The following CDH23 variants were observed in gnomAD, a reference collection of about 807,000 sequenced individuals.
CDH23 encodes the protein cadherin-23.
CDH23 carries 189 observed loss-of-function variants against 317.1 expected under a neutral mutation model. The ratio of observed to expected loss-of-function variants is 0.60; its 90% confidence interval spans 0.53 to 0.67. CDH23 has a LOEUF of 0.67. Among genes scored for constraint, CDH23 ranks in the 30% least tolerant of loss-of-function variants. CDH23 has a pLI of 0.00. For missense variants in CDH23, 4,401 were observed against 4,592.4 expected (o/e 0.96, Z 1.20); for synonymous variants, 1,839 against 1,876.8 (o/e 0.98, Z 0.52).
chr10:71,618,267 AG>A (rs1224940086), intron 11 of CDH23, among the ~76,000 whole-genome samples: 2 of 152,048 alleles, frequency 1.3e-5, no homozygotes, highest in Non-Finnish European at 2.9e-5. Flanking sequence ...CTTAAAAGGA[AG>A]TAAGGGAGAG....
intron 8 of CDH23, among the ~76,000 whole-genome samples, chr10:71,573,866 C>G (rs1857982352): frequency 6.6e-6 from 1 of 152,208 alleles, no homozygotes; most frequent in African/African-American, 2.4e-5. Flanking sequence ...CTCTGCCCTT[C>G]CTCCAGTCTC....
At chr10:71,694,786 G>A (rs868843846) in intron 21 of CDH23, among the ~76,000 whole-genome samples, 45 of 152,136 alleles carry the variant, frequency 3.0e-4, no homozygotes, top group Admixed American at 1.3e-3. Context: ...GAGAGGAAGC[G>A]GGAGGACCAG....
At chr10:71,769,149 G>GTTA (rs1424708849) in intron 38 of CDH23, among the ~76,000 whole-genome samples, 2 of 152,164 alleles carry the variant, frequency 1.3e-5, no homozygotes, top group Non-Finnish European at 2.9e-5. Flanking sequence ...TATAGAAGAG[G>GTTA]TTATTCCCTT....
At chr10:71,611,611 T>C (rs1314988953) in intron 9 of CDH23, among the ~76,000 whole-genome samples, 1 of 152,152 alleles carries the variant, frequency 6.6e-6, no homozygotes, top group Non-Finnish European at 1.5e-5. Context: ...GCCCCCCTTT[T>C]ACAGACCAAG....
chr10:71,406,834 A>G (rs1848118755), intron 1 of CDH23, among the ~76,000 whole-genome samples: 1 of 152,136 alleles, frequency 6.6e-6, no homozygotes. Context: ...TGAAGTGTCT[A>G]TGGTAGGGAA....
At chr10:71,507,375 A>G (rs1212938521) in intron 3 of CDH23, among the ~76,000 whole-genome samples, 1 of 152,220 alleles carries the variant, frequency 6.6e-6, no homozygotes, top group African/African-American at 2.4e-5. Context: ...GCTTTAGATT[A>G]TATCTTTACA....
chr10:71,634,461 T>G (rs112962780), intron 11 of CDH23, among the ~76,000 whole-genome samples: 1 of 152,322 alleles, frequency 6.6e-6, no homozygotes. Context: ...GGTAGAGTGA[T>G]GAGGTTCAAA....
chr10:71,518,514 A>G (rs1228089631), intron 6 of CDH23, among the ~76,000 whole-genome samples: 1 of 152,138 alleles, frequency 6.6e-6, no homozygotes, highest in Non-Finnish European at 1.5e-5. Context: ...TGCAGTGAGG[A>G]CCACCCCTGC....
rs555289375 is a variant in CDH23, at chr10:71,628,313, G to A, written c.1134+10920G>A. ...CTACTAACTCTGTCCCCCGAAAGGGGAGAATAGTGCAGGGATGGGGCTGGG... is the reference window on the plus strand; with the variant it reads ...CTACTAACTCTGTCCCCCGAAAGGGAAGAATAGTGCAGGGATGGGGCTGGG... On this transcript the variant is annotated intron_variant, in intron 11 of 69. Coordinates refer to ENST00000224721, the MANE Select transcript of CDH23 (RefSeq NM_022124.6). Among the ~76,000 whole-genome samples, 261 of 152,354 alleles carry A rather than the reference G, an allele frequency of 1.7e-3. 1 individual carries two copies. Among genetic ancestry groups the A allele is most frequent in the African/African-American group, 6.0e-3 (251 of 41,590 alleles).
intron 24 of CDH23, among the ~76,000 whole-genome samples, chr10:71,703,034 C>T (rs1159886726): frequency 6.6e-6 from 1 of 152,140 alleles, no homozygotes; most frequent in African/African-American, 2.4e-5. Context: ...TGAGTGTAGC[C>T]CTGGGCATCT....
intron 6 of CDH23, among the ~76,000 whole-genome samples, chr10:71,544,631 G>A (rs1326571394): frequency 6.6e-6 from 1 of 152,154 alleles, no homozygotes; most frequent in Admixed American, 6.5e-5. Context: ...CCAGGCCCGG[G>A]GCCACAGGCA....
At chr10:71,763,061 AG>A (rs2132893148) in intron 38 of CDH23, among the ~76,000 whole-genome samples, 1 of 152,366 alleles carries the variant, frequency 6.6e-6, no homozygotes, top group South Asian at 2.1e-4. Flanking sequence ...GCTACAATGC[AG>A]GGTTGCAAAA....
chr10:71,698,757 TTC>T (rs1385386747), intron 22 of CDH23, among the ~76,000 whole-genome samples: 2 of 152,228 alleles, frequency 1.3e-5, no homozygotes, highest in African/African-American at 4.8e-5. Flanking sequence ...CCTCTCCAAA[TTC>T]TGTTTCCTGC....
chr10:71,656,820 C>T (rs564940604), intron 14 of CDH23, among the ~76,000 whole-genome samples: 21 of 152,018 alleles, frequency 1.4e-4, no homozygotes, highest in Admixed American at 6.5e-4. Context: ...GCATGGAGGC[C>T]GGGAGGTGAT....
At chr10:71,662,850 G>A (rs1863735753) in intron 14 of CDH23, among the ~76,000 whole-genome samples, 1 of 152,286 alleles carries the variant, frequency 6.6e-6, no homozygotes, top group East Asian at 1.9e-4. Context: ...TGCAGCTCTG[G>A]AGTCAGAAAT....
Position 71,397,615 on chromosome 10 carries a change from G to C in CDH23, c.-6+297G>C, listed in dbSNP as rs1463928725. Among the ~76,000 whole-genome samples, 1 of 152,068 alleles carries C rather than the reference G, an allele frequency of 6.6e-6. No individual in the cohort carries two copies. Among genetic ancestry groups the C allele is most frequent in the Non-Finnish European group, 1.5e-5 (1 of 67,990 alleles). On this transcript the variant is annotated intron_variant, in intron 1 of 69. Transcript: ENST00000224721. This position sits in a 1 kb window ranked among gnomAD's most constrained non-coding sequence, Gnocchi z 4.8. ...ATCCCATCCCCCATCCCCGGTCCTG[G>C]GACCGCGAACATTTGGGGGCTTTGC...
At chr10:71,564,165 T>A (rs1857273097) in intron 6 of CDH23, among the ~76,000 whole-genome samples, 1 of 152,232 alleles carries the variant, frequency 6.6e-6, no homozygotes, top group Non-Finnish European at 1.5e-5. Context: ...CAGATGCACC[T>A]GGCCCCATAA....
chr10:71,785,527 TC>T, intron 43 of CDH23, 103 bp from the exon 44 acceptor site: 1 of 778,688 alleles, frequency 1.3e-6, no homozygotes, highest in Admixed American at 2.1e-5. Flanking sequence ...CTAGATCATC[TC>T]TTAGGCAATT....
At chr10:71,654,998 A>G (rs905750538) in intron 14 of CDH23, among the ~76,000 whole-genome samples, 2 of 152,164 alleles carry the variant, frequency 1.3e-5, no homozygotes, top group African/African-American at 4.8e-5. Context: ...CACACACGTA[A>G]ATGTCATAGA....
Sources: allele counts gnomAD v4.1 joint callset (sites outside exome capture counted in the v4.1 genomes callset), GRCh38; gene constraint gnomAD v4.1.1; non-coding constraint Gnocchi (gnomAD v3.1); transcripts MANE v1.5; gene names NCBI Gene and HGNC (gene_info 2026-07-23, HGNC 2026-07-21).